The following CA10 variants were observed in gnomAD, a reference collection of about 807,000 sequenced individuals.
CA10 encodes carbonic anhydrase-related protein 10.
In CA10, 14 loss-of-function variants were observed where a neutral mutation model predicts 44.2. That is an observed-to-expected ratio of 0.32 (90% confidence interval 0.21 to 0.50). The LOEUF (loss-of-function observed/expected upper bound fraction) is 0.50. Ranked by LOEUF, CA10 falls within the 20% of genes least tolerant of loss-of-function variation. The pLI is 0.99. For missense variants in CA10, 350 were observed against 409.7 expected, an observed-to-expected ratio of 0.85 and a Z score of 1.26; for synonymous variants, 159 against 141.6, an observed-to-expected ratio of 1.12 and a Z score of -0.87.
intron 4 of CA10, among the ~76,000 whole-genome samples, chr17:51,657,913 A>C (rs1219991601): frequency 6.6e-6 from 1 of 152,276 alleles, no homozygotes; most frequent in Non-Finnish European, 1.5e-5. Flanking sequence ...TATTCATTAA[A>C]GAGATGCCTT....
At chr17:51,927,662 G>T (rs1030325515) in intron 3 of CA10, among the ~76,000 whole-genome samples, 6 of 152,076 alleles carry the variant, frequency 3.9e-5, no homozygotes, top group African/African-American at 1.4e-4. Flanking sequence ...ACTCACTTTG[G>T]TCTGAGCAAA....
Position 51,631,655 on chromosome 17 carries a change from G to A in CA10, c.965-49C>T, listed in dbSNP as rs150372836. Reference sequence around the variant, plus strand: ...AAAAATCACACATACAACATAAAACGAGGCATACTCAATTAATTTGCACAC... The same window carrying A: ...AAAAATCACACATACAACATAAAACAAGGCATACTCAATTAATTTGCACAC... On this transcript the variant is annotated intron_variant, in intron 8 of 8. Transcript: ENST00000451037. The A allele has an allele frequency of 1.4e-3, 2,103 of 1,484,580 alleles. 22 individuals carry two copies. In the African/African-American group the frequency reaches 0.025, roughly 18 times the overall value. The allele number at this position is 1,484,580 out of a possible 1,614,324, so 92.0% of individuals were successfully genotyped here. A position where few individuals can be genotyped will look rare whatever the true frequency, so the allele number is the denominator to read the frequency against.
intron 4 of CA10, among the ~76,000 whole-genome samples, chr17:51,734,008 G>A (rs545437080): frequency 8.8e-4 from 131 of 148,724 alleles, no homozygotes; most frequent in African/African-American, 3.2e-3. Flanking sequence ...AAAGCTACTA[G>A]TATGGTAGTG....
chr17:51,666,341 T>G (rs1785690138), intron 4 of CA10, among the ~76,000 whole-genome samples: 1 of 152,154 alleles, frequency 6.6e-6, no homozygotes, highest in Non-Finnish European at 1.5e-5. Flanking sequence ...CATTCATGCT[T>G]GGAGACCCTG....
chr17:51,699,150 G>A (rs907354350), intron 4 of CA10, among the ~76,000 whole-genome samples: 12 of 151,812 alleles, frequency 7.9e-5, no homozygotes, highest in African/African-American at 2.4e-4. Flanking sequence ...GTGAAACCCC[G>A]TCTCTACTAA....
At chr17:52,095,067 A>G (rs1988370152) in intron 1 of CA10, among the ~76,000 whole-genome samples, 2 of 152,164 alleles carry the variant, frequency 1.3e-5, no homozygotes, top group Non-Finnish European at 2.9e-5. Flanking sequence ...TGAACAACCC[A>G]TATGTCTACT....
At chr17:51,966,465 AGC>A (rs1984084812) in intron 2 of CA10, among the ~76,000 whole-genome samples, 1 of 151,998 alleles carries the variant, frequency 6.6e-6, no homozygotes. Flanking sequence ...CTATACTACA[AGC>A]CTACAGTAAC....
At chr17:52,154,062 T>A (rs1989755873) in intron 1 of CA10, among the ~76,000 whole-genome samples, 1 of 152,216 alleles carries the variant, frequency 6.6e-6, no homozygotes, top group African/African-American at 2.4e-5. Context: ...AATGTACAAC[T>A]CAAATGCTAC....
intron 1 of CA10, among the ~76,000 whole-genome samples, chr17:52,082,803 T>C (rs1458019872): frequency 6.6e-6 from 1 of 152,224 alleles, no homozygotes; most frequent in African/African-American, 2.4e-5. Context: ...AGAAGCATCA[T>C]TAGTCTAATG....
chr17:51,846,688 G>A (rs1598078360), intron 3 of CA10, among the ~76,000 whole-genome samples: 1 of 152,188 alleles, frequency 6.6e-6, no homozygotes, highest in South Asian at 2.1e-4. Context: ...ATCTGATTTG[G>A]AATTTTGATA....
intron 3 of CA10, among the ~76,000 whole-genome samples, chr17:51,843,293 T>C (rs1405739187): frequency 6.6e-6 from 1 of 152,200 alleles, no homozygotes; most frequent in Non-Finnish European, 1.5e-5. Flanking sequence ...GGGCCTCTAA[T>C]GTTAGGCTCA....
intron 2 of CA10, among the ~76,000 whole-genome samples, chr17:52,044,205 T>G (rs903378579): frequency 1.3e-4 from 20 of 152,068 alleles, no homozygotes; most frequent in African/African-American, 4.6e-4. Context: ...TGATAAGAGG[T>G]TTTTGATTAC....
chr17:52,101,365 T>A (rs1988535432), intron 1 of CA10, among the ~76,000 whole-genome samples: 1 of 152,250 alleles, frequency 6.6e-6, no homozygotes, highest in Admixed American at 6.5e-5. Flanking sequence ...AAAAGATTAC[T>A]TGAGGCAAAT....
intron 3 of CA10, among the ~76,000 whole-genome samples, chr17:51,894,988 C>T (rs1736688316): frequency 6.6e-6 from 1 of 152,004 alleles, no homozygotes; most frequent in Non-Finnish European, 1.5e-5. Context: ...ATTGGAATCC[C>T]TAAGGATAAA....
chr17:51,854,558 C>T (rs1189272476), intron 3 of CA10, among the ~76,000 whole-genome samples: 1 of 152,114 alleles, frequency 6.6e-6, no homozygotes, highest in Non-Finnish European at 1.5e-5. Flanking sequence ...GCCGAGGAGT[C>T]ACTTCCTAAT....
chr17:51,647,750 T>C (rs904236969), intron 6 of CA10, among the ~76,000 whole-genome samples: 1 of 152,226 alleles, frequency 6.6e-6, no homozygotes, highest in African/African-American at 2.4e-5. Flanking sequence ...AGAATAATAA[T>C]CTTTTATGGG....
chr17:52,013,988 A>C, intron 2 of CA10, among the ~76,000 whole-genome samples: 1 of 152,072 alleles, frequency 6.6e-6, no homozygotes, highest in Non-Finnish European at 1.5e-5. Flanking sequence ...ACTCTAGGAA[A>C]CTAGAGGAAG....
At chr17:51,848,913 G>A (rs1052903574) in intron 3 of CA10, among the ~76,000 whole-genome samples, 72 of 151,518 alleles carry the variant, frequency 4.8e-4, no homozygotes, top group African/African-American at 1.7e-3. Context: ...AGACATGGTG[G>A]TGCATGCCTG....
rs189001488 is a variant in CA10 at position 51,694,961 on chromosome 17, A to G, written c.466-41225T>C. ...ATTCCCACTTTGTTGCATATCAGTT[A>G]GCCATGGGTGTATGGCTTATTTCTA... On this transcript the variant is annotated intron_variant, in intron 4 of 8. Coordinates refer to ENST00000451037, the MANE Select transcript of CA10 (RefSeq NM_020178.5). 4.9e-3 allele frequency among the ~76,000 whole-genome samples: 750 copies of G among 152,242 alleles called. 9 individuals are homozygous for G. The highest frequency in any genetic ancestry group is 0.017 in the African/African-American group (712 of 41,550).
Sources: allele counts gnomAD v4.1 joint callset (sites outside exome capture counted in the v4.1 genomes callset), GRCh38; gene constraint gnomAD v4.1.1; transcripts MANE v1.5; gene names NCBI Gene and HGNC (gene_info 2026-07-23, HGNC 2026-07-21).